Variants in PNLIP observed in about 807,000 individuals in gnomAD.
PNLIP encodes pancreatic triacylglycerol lipase.
A neutral mutation model predicts 57.1 loss-of-function variants in PNLIP; 49 were observed. The observed-to-expected ratio is 0.86, with a 90% CI of 0.68 to 1.09. The LOEUF is 1.09. PNLIP is among the 50% of genes least tolerant of loss of function. The probability of loss-of-function intolerance (pLI) is 0.00; values close to 1 mark genes in which losing one functional copy is unlikely to be tolerated. For missense variants in PNLIP, 503 were observed against 570.2 expected (o/e 0.88, Z 1.20); for synonymous variants, 209 against 200.4 (o/e 1.04, Z -0.36).
At chr10:116,566,117 C>A (rs970632728) in intron 12 of PNLIP, among the ~76,000 whole-genome samples, 1 of 152,150 alleles carries the variant, frequency 6.6e-6, no homozygotes, top group Admixed American at 6.5e-5. Context: ...CCTGTAGCAG[C>A]TTTTATTGTA....
intron 10 of PNLIP, among the ~76,000 whole-genome samples, chr10:116,560,058 C>T (rs1380179012): frequency 6.6e-6 from 1 of 152,094 alleles, no homozygotes; most frequent in Non-Finnish European, 1.5e-5. Flanking sequence ...AAAAATGTCA[C>T]AGTTCACAAT....
At position 116,551,178 on chromosome 10, in the gene PNLIP, G is replaced by A. The variant is rs147151438; in HGVS notation, c.405G>A (p.Ser135=). 271 of 1,612,334 alleles carry A rather than the reference G, an allele frequency of 1.7e-4. 2 individuals carry two copies. The highest frequency in any genetic ancestry group is 8.4e-4 in the Admixed American group (50 of 59,864). The part of the protein sequence containing the change: ...GGSRTGYTQA[S]QNIRIVGAEV... ...CCCGAACTGGATACACACAAGCCTC[G>A]CAGAACATCAGGATCGTGGGAGCAG... Residue 135 remains serine (S), a synonymous_variant, in exon 5 of 13, where the codon TCG becomes TCA. Coordinates refer to ENST00000369221, the MANE Select transcript of PNLIP (RefSeq NM_000936.4).
chr10:116,547,919 T>C (rs1483270248), intron 3 of PNLIP, among the ~76,000 whole-genome samples: 2 of 152,036 alleles, frequency 1.3e-5, no homozygotes, highest in Non-Finnish European at 2.9e-5. Context: ...TTCATATTAT[T>C]CTTGTCCTTC....
chr10:116,550,612 T>C (rs1847180978), intron 4 of PNLIP, among the ~76,000 whole-genome samples: 1 of 152,212 alleles, frequency 6.6e-6, no homozygotes, highest in Non-Finnish European at 1.5e-5. Flanking sequence ...TCAATGTATT[T>C]ATATAAGGGG....
At chr10:116,549,579 C>A (rs1234117724) in intron 4 of PNLIP, among the ~76,000 whole-genome samples, 2 of 152,142 alleles carry the variant, frequency 1.3e-5, no homozygotes, top group East Asian at 3.9e-4. Flanking sequence ...ACTCCAGAAC[C>A]TATCCATTGA....
intron 6 of PNLIP, among the ~76,000 whole-genome samples, chr10:116,554,844 A>C (rs1159966319): frequency 2.6e-5 from 4 of 152,164 alleles, no homozygotes. Context: ...TGTGAAAGCC[A>C]AGGTCCTTGC....
intron 6 of PNLIP, 73 bp downstream of exon 6, chr10:116,553,911 A>T: frequency 1.2e-6 from 1 of 810,134 alleles, no homozygotes; most frequent in Non-Finnish European, 2.0e-6. Context: ...GTTTGAGGCC[A>T]ATCTGGGCAA....
chr10:116,555,271 A>G lies in PNLIP; in HGVS notation c.665A>G (p.Asp222Gly). The change falls in exon 7 of 13, where the codon GAT (aspartate) becomes GGT (glycine). Residue 222 changes from aspartate to glycine, a missense_variant. Asp to Gly is a moderately conservative substitution (Grantham distance 94). Transcript: ENST00000369221. The stretch of plus-strand genomic sequence containing the variant: ...AAATTTGTGGATGTAATTCACACGG[A>G]TGGTGCCCCCATAGTCCCCAATTTG... ...DAKFVDVIHT[D>G]GAPIVPNLGF... 6.2e-7 allele frequency: 1 copy of G among 1,614,160 alleles called. No individual in the cohort carries two copies. The highest frequency in any genetic ancestry group is 1.6e-4 in the Middle Eastern group (1 of 6,062).
chr10:116,555,945 G>A (rs774540493), intron 8 of PNLIP, 55 bp from the exon 9 acceptor site: 9 of 1,091,268 alleles, frequency 8.2e-6, no homozygotes, highest in South Asian at 3.8e-5. Flanking sequence ...TGAATATGAC[G>A]TTAACTTGGA....
Position 116,548,464 on chromosome 10 carries a change from G to A in PNLIP, c.306G>A (p.Trp102Ter). 1.2e-6 allele frequency: 2 copies of A among 1,613,978 alleles called. No individual in the cohort carries two copies. The highest frequency in any genetic ancestry group is 1.3e-5 in the African/African-American group (1 of 75,050). ...TCATAGACAAGGGAGAAGAAAACTG[G>A]CTGGCCAATGTGTGCAAGGTGAGAT... ...HGFIDKGEEN[W>*]LANVCKNLFK... Residue 102 changes from tryptophan (W) to a stop codon, truncating the protein, a stop_gained, in exon 4 of 13, where the codon TGG (tryptophan) becomes TGA (stop). Transcript: ENST00000369221. LOFTEE classifies it high-confidence loss of function.
At chr10:116,549,934 T>C (rs1847172580) in intron 4 of PNLIP, among the ~76,000 whole-genome samples, 1 of 152,104 alleles carries the variant, frequency 6.6e-6, no homozygotes, top group Non-Finnish European at 1.5e-5. Flanking sequence ...TACAGTCCAG[T>C]CCTGACTCTC....
chr10:116,561,398 C>A, intron 11 of PNLIP, 74 bp from the exon 12 acceptor site: 1 of 1,129,146 alleles, frequency 8.9e-7, no homozygotes, highest in Non-Finnish European at 1.3e-6. Flanking sequence ...TACACACTTA[C>A]ATACACACAA....
chr10:116,560,751 T>C (rs2070772), intron 11 of PNLIP, among the ~76,000 whole-genome samples: 120,652 of 151,308 alleles, frequency 0.8, 48,379 homozygotes, highest in Middle Eastern at 0.84. Context: ...CTAATTTTTG[T>C]ATTTTTAATT....
chr10:116,553,271 A>T (rs1363979796), intron 5 of PNLIP, among the ~76,000 whole-genome samples: 1 of 152,176 alleles, frequency 6.6e-6, no homozygotes, highest in Non-Finnish European at 1.5e-5. Flanking sequence ...ACGCCCAGGT[A>T]ATTTTTTTAC....
intron 3 of PNLIP, among the ~76,000 whole-genome samples, chr10:116,547,826 G>A (rs1460473752): frequency 2.0e-5 from 3 of 151,420 alleles, no homozygotes; most frequent in East Asian, 1.9e-4. Flanking sequence ...AAAATCAGCC[G>A]TGAAATTTGC....
At position 116,555,476 on chromosome 10, in the gene PNLIP, T is replaced by C; in HGVS notation, c.780T>C (p.Ser260=). 6.2e-7 allele frequency: 1 copy of C among 1,614,146 alleles called. No homozygotes were observed. Among genetic ancestry groups the C allele is most frequent in the Non-Finnish European group, 8.5e-7 (1 of 1,179,976 alleles). ...CTGGATGTAAAAAGAACATTCTCTC[T>C]CAGATTGTGGACATAGACGGAATCT... ...EMPGCKKNIL[S]QIVDIDGIWE... is the part of the protein sequence containing the mutation. The change falls in exon 8 of 13, where the codon TCT becomes TCC. Residue 260 remains serine, a synonymous_variant. Coordinates refer to ENST00000369221, the MANE Select transcript of PNLIP (RefSeq NM_000936.4).
intron 3 of PNLIP, 111 bp downstream of exon 3, chr10:116,547,559 T>C: frequency 1.2e-6 from 1 of 821,240 alleles, no homozygotes; most frequent in South Asian, 1.8e-5. Flanking sequence ...ACCCCATCTC[T>C]ACTAAAAATA....
chr10:116,548,308 T>C, intron 3 of PNLIP, 52 bp from the exon 4 acceptor site: 6 of 1,595,760 alleles, frequency 3.8e-6, no homozygotes, highest in Non-Finnish European at 5.1e-6. Flanking sequence ...GTACAAATGG[T>C]TCTATTGGCT....
intron 8 of PNLIP, 145 bp from the exon 9 acceptor site, chr10:116,555,855 A>G (rs1847247601): frequency 3.1e-6 from 2 of 646,712 alleles, no homozygotes; most frequent in Non-Finnish European, 5.5e-6. Context: ...ACAAATCATA[A>G]ATATACTTTA....
Sources: gnomAD v4.1 joint callset for allele counts (sites outside exome capture counted in the v4.1 genomes callset) on GRCh38, gnomAD v4.1.1 for gene constraint, MANE v1.5 for transcripts, NCBI Gene and HGNC (gene_info 2026-07-23, HGNC 2026-07-21) for gene names.